Variants in EXOC2 observed in about 807,000 individuals in gnomAD.
EXOC2 encodes SEC5-like 1.
Under a neutral mutation model 131.8 loss-of-function variants are expected in EXOC2, and 70 were observed. The ratio of observed to expected loss-of-function variants is 0.53; its 90% CI spans 0.44 to 0.65. The LOEUF is 0.65. Among genes scored for constraint, EXOC2 ranks in the 30% least tolerant of loss-of-function variants. The pLI is 0.00. For synonymous variants in EXOC2, 411 were observed against 398.4 expected (o/e 1.03, Z -0.38); for missense variants, 923 against 1,108.6 (o/e 0.83, Z 2.38).
Position 580,839 on chromosome 6 carries a change from GA to G in EXOC2, c.1193-3958del, listed in dbSNP as rs565221495. Among the ~76,000 whole-genome samples the G allele has an allele frequency of 9.6e-3, 1,464 of 152,144 alleles. 18 individuals are homozygous for G. The highest frequency in any genetic ancestry group is 0.034 in the African/African-American group (1,392 of 41,498). ...TTAAATCACCACTGAGAACAACACA[GA>G]AAAGACATTTATTCCGATCACTGTT... is the stretch of plus-strand genomic sequence containing the variant. On this transcript the variant is annotated intron_variant, in intron 11 of 27. Transcript: ENST00000230449.
chr6:572,429 T>A, intron 13 of EXOC2, 91 bp downstream of exon 13: 1 of 1,481,010 alleles, frequency 6.8e-7, no homozygotes, highest in Non-Finnish European at 9.1e-7. Context: ...GTTGGGCCTC[T>A]ACATTTTAAA....
At chr6:525,173 G>C (rs973659454) in intron 23 of EXOC2, 2 of 152,098 alleles carry the variant, frequency 1.3e-5, no homozygotes, top group African/African-American at 4.8e-5. Flanking sequence ...TTATTCTGTG[G>C]TAGTTCTAAT....
chr6:587,663 G>A (rs773850129), intron 11 of EXOC2, among the ~76,000 whole-genome samples: 55 of 152,326 alleles, frequency 3.6e-4, no homozygotes, highest in Non-Finnish European at 6.8e-4. Flanking sequence ...CACTAATGGC[G>A]AATCCTCCTT....
intron 10 of EXOC2, among the ~76,000 whole-genome samples, chr6:596,110 A>G (rs1433934890): frequency 3.9e-5 from 6 of 151,918 alleles, no homozygotes; most frequent in Admixed American, 3.9e-4. Flanking sequence ...ATTAGAGAGG[A>G]CATGTAGAAC....
chr6:628,892 G>T (rs1761710838), intron 4 of EXOC2, among the ~76,000 whole-genome samples: 3 of 152,188 alleles, frequency 2.0e-5, no homozygotes, highest in Non-Finnish European at 4.4e-5. Flanking sequence ...GACCCATACT[G>T]CAAAAATGTT....
At chr6:544,476 A>G (rs909784181) in intron 22 of EXOC2, among the ~76,000 whole-genome samples, 1 of 152,210 alleles carries the variant, frequency 6.6e-6, no homozygotes, top group African/African-American at 2.4e-5. Context: ...TGTCTGTAAG[A>G]TCTTAAACTC....
chr6:517,591 A>G (rs1765230008), intron 23 of EXOC2, among the ~76,000 whole-genome samples: 1 of 152,234 alleles, frequency 6.6e-6, no homozygotes, highest in African/African-American at 2.4e-5. Flanking sequence ...ATTTCTAATA[A>G]GAAATAGATT....
chr6:582,241 AT>A (rs35523446), intron 11 of EXOC2, among the ~76,000 whole-genome samples: 46,758 of 151,560 alleles, frequency 0.31, 7,434 homozygotes, highest in African/African-American at 0.38. Context: ...AATAGTCGGT[AT>A]TTTTTTTTTT....
chr6:534,257 G>C (rs1184689340), intron 22 of EXOC2, among the ~76,000 whole-genome samples: 5 of 152,130 alleles, frequency 3.3e-5, no homozygotes, highest in African/African-American at 1.2e-4. Context: ...TAGAGAAAAG[G>C]TATTCATTAA....
chr6:540,844 G>C (rs993769309), intron 22 of EXOC2, among the ~76,000 whole-genome samples: 3 of 152,078 alleles, frequency 2.0e-5, no homozygotes, highest in African/African-American at 4.8e-5. Context: ...ATAATACCAA[G>C]ACACATAATA....
intron 27 of EXOC2, 70 bp from the exon 28 acceptor site, chr6:486,834 G>A: frequency 4.1e-6 from 5 of 1,217,384 alleles, no homozygotes; most frequent in Non-Finnish European, 6.0e-6. Context: ...AAAACACCAG[G>A]GGAGCCAGTG....
chr6:649,899 T>G (rs546805733), intron 1 of EXOC2, among the ~76,000 whole-genome samples: 22 of 152,346 alleles, frequency 1.4e-4, no homozygotes, highest in African/African-American at 4.3e-4. Flanking sequence ...TTCTTGCTTC[T>G]CAGTAGTCTC....
chr6:488,844 T>C (rs1400756912), intron 27 of EXOC2, 135 bp downstream of exon 27: 7 of 863,882 alleles, frequency 8.1e-6, no homozygotes, highest in African/African-American at 6.8e-5. Context: ...TAAGTAGGTA[T>C]ATCTGCTTAT....
chr6:561,346 C>T lies in EXOC2; in HGVS notation c.1851+1438G>A, dbSNP rs561568075. Among the ~76,000 whole-genome samples, 9 of 152,228 alleles carry T rather than the reference C, an allele frequency of 5.9e-5. No individual in the cohort carries two copies. The South Asian group carries it at 1.9e-3, about 32-fold the overall frequency. ...ATAGAGAGTCCAAGGATATAGAAAG[C>T]CAACTTTTAGGGGCTTGAGAGTCCT... On this transcript the variant is annotated intron_variant, in intron 17 of 27. Transcript: ENST00000230449.
chr6:564,372 A>T (rs1251591977), intron 15 of EXOC2, among the ~76,000 whole-genome samples, 173 bp downstream of exon 15: 1 of 152,226 alleles, frequency 6.6e-6, no homozygotes, highest in Non-Finnish European at 1.5e-5. Flanking sequence ...GTCCAACACA[A>T]AAACCAGGAA....
At chr6:651,523 G>T (rs938383832) in intron 1 of EXOC2, among the ~76,000 whole-genome samples, 3 of 151,786 alleles carry the variant, frequency 2.0e-5, no homozygotes, top group Non-Finnish European at 4.4e-5. Context: ...GTGTGATGGT[G>T]GGCACCTGTA....
chr6:642,086 C>T (rs1269570935), intron 1 of EXOC2, among the ~76,000 whole-genome samples: 1 of 152,150 alleles, frequency 6.6e-6, no homozygotes, highest in Non-Finnish European at 1.5e-5. Context: ...CCATTCACCT[C>T]TTACGAACCT....
chr6:575,437 C>T (rs1285736861), intron 12 of EXOC2, among the ~76,000 whole-genome samples: 1 of 152,146 alleles, frequency 6.6e-6, no homozygotes. Context: ...AAGAGCCTGG[C>T]ATCTCCATCC....
chr6:584,350 A>T (rs895371898), intron 11 of EXOC2, among the ~76,000 whole-genome samples: 1 of 152,252 alleles, frequency 6.6e-6, no homozygotes, highest in Non-Finnish European at 1.5e-5. Flanking sequence ...TGTATTTTTT[A>T]AAATAGCAAG....
Sources: gnomAD v4.1 joint callset for allele counts (sites outside exome capture counted in the v4.1 genomes callset) on GRCh38, gnomAD v4.1.1 for gene constraint, MANE v1.5 for transcripts, NCBI Gene and HGNC (gene_info 2026-07-23, HGNC 2026-07-21) for gene names.